Variants in ARFGAP3 observed in about 807,000 individuals in gnomAD.
ARFGAP3 encodes the protein ARF GTPase activating protein 3.
A neutral mutation model predicts 75.0 loss-of-function variants in ARFGAP3; 72 were observed. The ratio of observed to expected loss-of-function variants is 0.96; its 90% CI spans 0.79 to 1.17. The LOEUF (loss-of-function observed/expected upper bound fraction) is 1.17, where lower values mean the gene tolerates loss of function less well. Among genes scored for constraint, ARFGAP3 ranks in the 50% most tolerant of loss-of-function variants. ARFGAP3 has a pLI of 0.00. For synonymous variants in ARFGAP3, 221 were observed against 217.9 expected, an observed-to-expected ratio of 1.01 and a Z score of -0.13; for missense variants, 620 against 626.6, an observed-to-expected ratio of 0.99 and a Z score of 0.11.
At chr22:42,839,032 C>G (rs552950968) in intron 3 of ARFGAP3, among the ~76,000 whole-genome samples, 12 of 149,348 alleles carry the variant, frequency 8.0e-5, no homozygotes, top group Non-Finnish European at 1.8e-4. Context: ...ATGGCATGAA[C>G]CTGGGAGGCA....
At chr22:42,849,350 G>A (rs1262240466) in intron 1 of ARFGAP3, among the ~76,000 whole-genome samples, 1 of 152,176 alleles carries the variant, frequency 6.6e-6, no homozygotes, top group Non-Finnish European at 1.5e-5. Flanking sequence ...GCCTCACTCT[G>A]TCCAGGTCAC....
intron 1 of ARFGAP3, among the ~76,000 whole-genome samples, chr22:42,855,048 G>A (rs955869309): frequency 3.9e-5 from 6 of 151,994 alleles, no homozygotes; most frequent in Non-Finnish European, 7.4e-5. Context: ...TGTTTTTCTT[G>A]GATTATTCCA....
In ARFGAP3 at chr22:42,857,130, G is replaced by A. The variant is rs1240236252; in HGVS notation, c.53C>T (p.Ser18Leu). The change falls in exon 1 of 16, where the codon TCG becomes TTG. Residue 18 changes from serine (S) to leucine (L), a missense_variant. Transcript: ENST00000263245. ...GGCCGCTACCTTGTTAGTGGGCACC[G>A]AGCGGAGGCGCTTGAAGATGGTCAA... ...DILTIFKRLR[S>L]VPTNKVCFDC... 7.3e-6 allele frequency: 11 copies of A among 1,515,928 alleles called. No individual in the cohort carries two copies. Among genetic ancestry groups the A allele is most frequent in the Admixed American group, 4.2e-5 (2 of 47,464 alleles). 93.9% of individuals were successfully genotyped at this position (1,515,928 alleles called of 1,614,324 possible).
intron 1 of ARFGAP3, among the ~76,000 whole-genome samples, chr22:42,848,963 T>C (rs1333560083): frequency 6.6e-6 from 1 of 152,190 alleles, no homozygotes; most frequent in East Asian, 1.9e-4. Context: ...TCCCCCTCTC[T>C]CCCTCCCCAC....
intron 6 of ARFGAP3, among the ~76,000 whole-genome samples, chr22:42,828,504 T>C (rs1354003910): frequency 6.6e-6 from 1 of 151,592 alleles, no homozygotes; most frequent in Non-Finnish European, 1.5e-5. Flanking sequence ...TGTGGTGACC[T>C]GAGATCACAC....
intron 13 of ARFGAP3, 66 bp downstream of exon 13, chr22:42,808,701 C>T (rs942666266): frequency 7.3e-7 from 1 of 1,368,522 alleles, no homozygotes; most frequent in Non-Finnish European, 1.0e-6. Context: ...TCCTCCCCGA[C>T]AATGCCCACA....
intron 14 of ARFGAP3, among the ~76,000 whole-genome samples, chr22:42,801,943 C>A (rs962855216): frequency 3.9e-5 from 6 of 152,128 alleles, no homozygotes; most frequent in African/African-American, 1.2e-4. Context: ...GGGGGCTCCA[C>A]AGGCTCAACA....
At chr22:42,843,592 T>C (rs1926879192) in intron 2 of ARFGAP3, among the ~76,000 whole-genome samples, 1 of 152,148 alleles carries the variant, frequency 6.6e-6, no homozygotes, top group African/African-American at 2.4e-5. Flanking sequence ...TGTTACCTCT[T>C]TTAAACTTTG....
At chr22:42,843,125 G>A (rs182922634) in intron 2 of ARFGAP3, among the ~76,000 whole-genome samples, 23 of 147,672 alleles carry the variant, frequency 1.6e-4, no homozygotes, top group African/African-American at 5.8e-4. Flanking sequence ...CCTCAGCCTC[G>A]GTCCTCACCT....
chr22:42,798,999 C>A (rs752647629), intron 15 of ARFGAP3, 40 bp downstream of exon 15: 2 of 1,570,072 alleles, frequency 1.3e-6, no homozygotes, highest in Non-Finnish European at 1.8e-6. Context: ...ACTGCTGAAC[C>A]TACCGTCATA....
chr22:42,851,009 G>T (rs1007172277), intron 1 of ARFGAP3, among the ~76,000 whole-genome samples: 1 of 152,238 alleles, frequency 6.6e-6, no homozygotes, highest in African/African-American at 2.4e-5. Context: ...ACCCTCTTCT[G>T]TGGGGCATCA....
chr22:42,836,285 GTT>G (rs538441995), intron 3 of ARFGAP3, among the ~76,000 whole-genome samples: 1 of 151,978 alleles, frequency 6.6e-6, no homozygotes, highest in South Asian at 2.1e-4. Flanking sequence ...CCTTTTCTTT[GTT>G]TTTTGAGATG....
chr22:42,799,555 T>A (rs1288070380), intron 14 of ARFGAP3, among the ~76,000 whole-genome samples: 1 of 152,074 alleles, frequency 6.6e-6, no homozygotes, highest in Non-Finnish European at 1.5e-5. Flanking sequence ...CATCACCTCC[T>A]CCCTCTTTTG....
At chr22:42,850,603 A>G (rs1927237538) in intron 1 of ARFGAP3, among the ~76,000 whole-genome samples, 2 of 147,204 alleles carry the variant, frequency 1.4e-5, no homozygotes, top group Admixed American at 6.8e-5. Context: ...AAAAAGATAT[A>G]CTTTATAGGC....
In ARFGAP3 at chr22:42,817,259, A is replaced by G. The variant is rs1276304377; in HGVS notation, c.947T>C (p.Ile316Thr). ...CATATCTGAAGTCACTGAATGTGAA[A>G]TAACACTTGAGAAAACAGAAAAATA... ...GMGFGNCRSV[I>T]SHSVTSDMQT... The change falls in exon 11 of 16, where the codon ATT becomes ACT. Residue 316 changes from isoleucine to threonine, a missense_variant. Ile to Thr is a moderately conservative substitution (Grantham distance 89, BLOSUM62 -1). Coordinates refer to ENST00000263245, the MANE Select transcript of ARFGAP3 (RefSeq NM_014570.5). The G allele has an allele frequency of 1.9e-6, 3 of 1,606,206 alleles. No homozygotes were observed. Among genetic ancestry groups the G allele is most frequent in the Non-Finnish European group, 2.6e-6 (3 of 1,176,052 alleles).
chr22:42,852,683 C>T (rs1927329813), intron 1 of ARFGAP3, among the ~76,000 whole-genome samples: 1 of 152,076 alleles, frequency 6.6e-6, no homozygotes, highest in Non-Finnish European at 1.5e-5. Flanking sequence ...ACTGTTCAAA[C>T]AAGGGCCCTG....
chr22:42,853,118 C>T (rs1383018245), intron 1 of ARFGAP3, among the ~76,000 whole-genome samples: 3 of 152,202 alleles, frequency 2.0e-5, no homozygotes, highest in African/African-American at 7.2e-5. Context: ...TTCCTTTTAT[C>T]ATGTGCTTTC....
intron 11 of ARFGAP3, among the ~76,000 whole-genome samples, chr22:42,816,153 AC>A (rs369078899): frequency 3.9e-5 from 6 of 152,272 alleles, no homozygotes; most frequent in African/African-American, 1.4e-4. Flanking sequence ...AGACTGAATC[AC>A]ATCTCTTAAA....
At chr22:42,855,360 G>A (rs916214506) in intron 1 of ARFGAP3, among the ~76,000 whole-genome samples, 1 of 152,160 alleles carries the variant, frequency 6.6e-6, no homozygotes, top group African/African-American at 2.4e-5. Context: ...AAGTTACACA[G>A]GACCCACTCT....
Sources: allele counts gnomAD v4.1 joint callset (sites outside exome capture counted in the v4.1 genomes callset), GRCh38; gene constraint gnomAD v4.1.1; transcripts MANE v1.5; gene names NCBI Gene and HGNC (gene_info 2026-07-23, HGNC 2026-07-21).